SORCS3: variants seen among roughly 807,000 people sequenced by gnomAD.
SORCS3 encodes sortilin related VPS10 domain containing receptor 3.
A neutral mutation model predicts 146.3 loss-of-function variants in SORCS3; 57 were observed. The ratio of observed to expected loss-of-function variants is 0.39; its 90% CI spans 0.31 to 0.49. SORCS3 has a LOEUF of 0.49. Ranked by LOEUF, SORCS3 falls within the 20% of genes least tolerant of loss-of-function variation. The pLI, the probability that SORCS3 is intolerant of heterozygous loss-of-function variation, is 0.92. For synonymous variants in SORCS3, 653 were observed against 618.5 expected, an observed-to-expected ratio of 1.06 and a Z score of -0.83; for missense variants, 1,341 against 1,575.5, an observed-to-expected ratio of 0.85 and a Z score of 2.52.
chr10:104,999,666 A>G (rs534918327), intron 4 of SORCS3, among the ~76,000 whole-genome samples: 20 of 152,244 alleles, frequency 1.3e-4, no homozygotes, highest in African/African-American at 4.8e-4. Context: ...ACACCCCATC[A>G]TATAAGGGGG....
At chr10:104,838,441 C>T (rs2018097418) in intron 1 of SORCS3, among the ~76,000 whole-genome samples, 2 of 151,858 alleles carry the variant, frequency 1.3e-5, no homozygotes, top group African/African-American at 2.4e-5. Flanking sequence ...TTCTCTTGCT[C>T]TTGGTTTTGT....
At chr10:105,188,560 A>G (rs1298441195) in intron 14 of SORCS3, among the ~76,000 whole-genome samples, 1 of 152,206 alleles carries the variant, frequency 6.6e-6, no homozygotes, top group Non-Finnish European at 1.5e-5. Context: ...AAGAGGTAAG[A>G]ATGGGAAATA....
At chr10:104,745,985 G>A (rs1457161471) in intron 1 of SORCS3, among the ~76,000 whole-genome samples, 2 of 151,978 alleles carry the variant, frequency 1.3e-5, no homozygotes, top group African/African-American at 2.4e-5. Flanking sequence ...AGCCATGGGT[G>A]GACACTTAGG....
rs1589514803 is a variant in SORCS3, at chr10:104,828,040, C to T, written c.628-14752C>T. Among the ~76,000 whole-genome samples, 6 of 152,176 alleles carry T rather than the reference C, an allele frequency of 3.9e-5. No individual in the cohort carries two copies. In the South Asian group the frequency reaches 1.0e-3, roughly 26 times the overall value. On this transcript the variant is annotated intron_variant, in intron 1 of 26. Coordinates refer to ENST00000369701, the MANE Select transcript of SORCS3 (RefSeq NM_014978.3). ...TGAGTGTTGTGGCTGGTTTGATCTTCTGTCACTAAACCTTTTTCCCTATCA... is the reference window on the plus strand; with the variant it reads ...TGAGTGTTGTGGCTGGTTTGATCTTTTGTCACTAAACCTTTTTCCCTATCA...
At chr10:105,020,212 A>G (rs1232119544) in intron 4 of SORCS3, among the ~76,000 whole-genome samples, 1 of 152,202 alleles carries the variant, frequency 6.6e-6, no homozygotes, top group African/African-American at 2.4e-5. Context: ...AGGGCTGTTC[A>G]TATACCTGTC....
At chr10:104,831,882 C>T (rs2018004745) in intron 1 of SORCS3, among the ~76,000 whole-genome samples, 1 of 152,212 alleles carries the variant, frequency 6.6e-6, no homozygotes, top group Non-Finnish European at 1.5e-5. Context: ...GGGAATCCTG[C>T]ATTCTCACTC....
In SORCS3 at chr10:104,698,194, G is replaced by T. The variant is rs114945313; in HGVS notation, c.627+56240G>T. Among the ~76,000 whole-genome samples, 352 of 152,238 alleles carry T rather than the reference G, an allele frequency of 2.3e-3. 3 individuals are homozygous for T. Among genetic ancestry groups the T allele is most frequent in the African/African-American group, 8.0e-3 (331 of 41,544 alleles). On this transcript the variant is annotated intron_variant, in intron 1 of 26. Transcript: ENST00000369701. ...ATTGCATTCTTGTGAAGTAAGGAAG[G>T]CAGGCATTCCCAGCCCCATTTTACA...
intron 24 of SORCS3, 56 bp downstream of exon 24, chr10:105,255,857 A>G: frequency 1.4e-6 from 2 of 1,384,152 alleles, no homozygotes; most frequent in Non-Finnish European, 2.0e-6. Flanking sequence ...TCCCAGAGAG[A>G]AAAGGAGGAG....
intron 2 of SORCS3, among the ~76,000 whole-genome samples, chr10:104,846,854 A>T (rs2451470): frequency 3.9e-5 from 6 of 152,068 alleles, no homozygotes; most frequent in Non-Finnish European, 5.9e-5. Context: ...GTTTAAAGGA[A>T]CCAGGGCTTT....
At chr10:104,995,304 T>C (rs2055019225) in intron 4 of SORCS3, among the ~76,000 whole-genome samples, 1 of 151,778 alleles carries the variant, frequency 6.6e-6, no homozygotes, top group Non-Finnish European at 1.5e-5. Context: ...GGATCACAGG[T>C]GCACGCCACC....
chr10:105,236,098 C>T (rs953619794), intron 20 of SORCS3, among the ~76,000 whole-genome samples: 18 of 152,104 alleles, frequency 1.2e-4, no homozygotes, highest in African/African-American at 2.9e-4. Context: ...TTAGTTTCTC[C>T]GTATAGATGA....
chr10:104,657,308 A>G, intron 1 of SORCS3, among the ~76,000 whole-genome samples: 1 of 152,234 alleles, frequency 6.6e-6, no homozygotes, highest in East Asian at 1.9e-4. Flanking sequence ...TTCTGAGAAT[A>G]AAGTGATTGA....
At chr10:104,741,577 T>G (rs1029964502) in intron 1 of SORCS3, among the ~76,000 whole-genome samples, 1 of 151,860 alleles carries the variant, frequency 6.6e-6, no homozygotes, top group Non-Finnish European at 1.5e-5. Context: ...ATGTTAAAGC[T>G]TTGTGTAGTT....
intron 2 of SORCS3, among the ~76,000 whole-genome samples, chr10:104,909,263 C>A (rs780562714): frequency 1.3e-5 from 2 of 152,088 alleles, no homozygotes; most frequent in Non-Finnish European, 2.9e-5. Flanking sequence ...AGTTTGCCAA[C>A]CTGAGCTAGA....
In SORCS3 at chr10:105,045,037, A is replaced by AAAAAGAAAGAAAG. The variant is rs1554871952; in HGVS notation, c.1028+1913_1028+1925dup. Among the ~76,000 whole-genome samples the AAAAAGAAAGAAAG allele has an allele frequency of 5.4e-3, 698 of 128,376 alleles. 7 individuals carry two copies. Among genetic ancestry groups the AAAAAGAAAGAAAG allele is most frequent in the Middle Eastern group, 0.02 (5 of 244 alleles). The allele number at this position is 128,376 out of a possible 152,430, so 84.2% of individuals were successfully genotyped here. A position where few individuals can be genotyped will look rare whatever the true frequency, so the allele number is the denominator to read the frequency against. ...CCAGAATTCGAAAAAAAAAAAAAAA[A>AAAAAGAAAGAAAG]AAAAGAAAGAAAGAAAGAAAGCGAA... On this transcript the variant is annotated intron_variant, in intron 5 of 26. Transcript: ENST00000369701.
intron 2 of SORCS3, among the ~76,000 whole-genome samples, chr10:104,884,305 A>G (rs1424050586): frequency 6.6e-6 from 1 of 152,182 alleles, no homozygotes; most frequent in Non-Finnish European, 1.5e-5. Flanking sequence ...TTCCTCAACC[A>G]CGTCGAGACT....
intron 1 of SORCS3, among the ~76,000 whole-genome samples, chr10:104,808,171 C>G (rs2017700518): frequency 6.6e-6 from 1 of 152,082 alleles, no homozygotes; most frequent in Non-Finnish European, 1.5e-5. Flanking sequence ...ACCAACAGAA[C>G]TAGGACTTCT....
At chr10:105,023,098 G>A (rs1030060077) in intron 4 of SORCS3, among the ~76,000 whole-genome samples, 2 of 152,118 alleles carry the variant, frequency 1.3e-5, no homozygotes, top group Non-Finnish European at 2.9e-5. Context: ...AGGAGAATGT[G>A]GCTATATGCC....
chr10:104,876,591 C>A (rs2018573965), intron 2 of SORCS3, among the ~76,000 whole-genome samples: 1 of 152,120 alleles, frequency 6.6e-6, no homozygotes, highest in Admixed American at 6.5e-5. Flanking sequence ...TTTTTCATGG[C>A]TCTGACCCTT....
Sources: gnomAD v4.1 joint callset for allele counts (sites outside exome capture counted in the v4.1 genomes callset) on GRCh38, gnomAD v4.1.1 for gene constraint, MANE v1.5 for transcripts, NCBI Gene and HGNC (gene_info 2026-07-23, HGNC 2026-07-21) for gene names.